The following GDAP1L1 variants were observed in gnomAD, a reference collection of about 807,000 sequenced individuals.
The protein encoded by GDAP1L1 is ganglioside-induced differentiation-associated protein 1-like 1.
In GDAP1L1, 21 loss-of-function variants were observed where a neutral mutation model predicts 37.1. The ratio of observed to expected loss-of-function variants is 0.57; its 90% CI spans 0.40 to 0.81. The LOEUF is 0.81. GDAP1L1 is among the 40% of genes least tolerant of loss of function. The probability of loss-of-function intolerance (pLI) is 0.00; values close to 1 mark genes in which losing one functional copy is unlikely to be tolerated. For synonymous variants in GDAP1L1, 193 were observed against 209.1 expected (o/e 0.92, Z 0.67); for missense variants, 362 against 491.6 (o/e 0.74, Z 2.49).
At chr20:44,271,357 A>G (rs1421739614) in intron 5 of GDAP1L1, among the ~76,000 whole-genome samples, 1 of 152,154 alleles carries the variant, frequency 6.6e-6, no homozygotes, top group Non-Finnish European at 1.5e-5. Flanking sequence ...TGGCCAGTGA[A>G]GTAGGAAGAC....
chr20:44,267,793 G>C (rs2062471013), intron 5 of GDAP1L1, among the ~76,000 whole-genome samples: 1 of 152,192 alleles, frequency 6.6e-6, no homozygotes, highest in Non-Finnish European at 1.5e-5. Flanking sequence ...ATGGAGGCTA[G>C]GGTGGATGGT....
intron 1 of GDAP1L1, among the ~76,000 whole-genome samples, chr20:44,254,775 G>C (rs1264066387): frequency 1.3e-5 from 2 of 152,180 alleles, no homozygotes; most frequent in African/African-American, 4.8e-5. Flanking sequence ...TGAATGTTGG[G>C]TGTTTCAGGG....
chr20:44,279,903 G>C lies in GDAP1L1; in HGVS notation c.*603G>C. On this transcript the variant is annotated 3_prime_UTR_variant, in exon 6 of 6. Transcript: ENST00000342560. ...GGCACCCAAAAACCAGGCTGCAGTG[G>C]GGACGGATACCATGAGCACACCCTC... The C allele has an allele frequency of 2.4e-6, 1 of 411,758 alleles. No individual in the cohort carries two copies. Among genetic ancestry groups the C allele is most frequent in the South Asian group, 1.8e-5 (1 of 55,324 alleles). The allele number at this position is 411,758 out of a possible 1,614,324, so 25.5% of individuals were successfully genotyped here.
At chr20:44,258,673 G>A in intron 3 of GDAP1L1, 66 bp downstream of exon 3, 1 of 1,217,168 alleles carries the variant, frequency 8.2e-7, no homozygotes, top group Non-Finnish European at 1.2e-6. Flanking sequence ...TTCTTCCAAA[G>A]GATGTCCTCC....
intron 5 of GDAP1L1, among the ~76,000 whole-genome samples, chr20:44,275,990 C>T (rs550998765): frequency 6.6e-6 from 1 of 151,932 alleles, no homozygotes; most frequent in East Asian, 1.9e-4. Flanking sequence ...AGTGCTTAAC[C>T]CCTTTATAAT....
chr20:44,270,122 T>C (rs971481292), intron 5 of GDAP1L1, among the ~76,000 whole-genome samples: 3 of 151,866 alleles, frequency 2.0e-5, no homozygotes, highest in Non-Finnish European at 2.9e-5. Context: ...GTATTAGTTA[T>C]CTGTGTGGCA....
intron 3 of GDAP1L1, among the ~76,000 whole-genome samples, chr20:44,260,349 A>C (rs1420074940): frequency 6.6e-6 from 1 of 151,876 alleles, no homozygotes; most frequent in Non-Finnish European, 1.5e-5. Context: ...AAATGGACAC[A>C]CAGGTGCTTG....
chr20:44,273,659 G>A (rs1191718747), intron 5 of GDAP1L1, among the ~76,000 whole-genome samples: 1 of 152,158 alleles, frequency 6.6e-6, no homozygotes, highest in East Asian at 1.9e-4. Context: ...GAAACACACA[G>A]GATGCTGGCA....
intron 5 of GDAP1L1, among the ~76,000 whole-genome samples, chr20:44,271,709 T>A (rs181982736): frequency 1.3e-5 from 2 of 152,226 alleles, no homozygotes; most frequent in East Asian, 3.9e-4. Flanking sequence ...TGTGTTCTCA[T>A]GCTGGTGGAA....
chr20:44,253,953 C>A (rs2073492652), intron 1 of GDAP1L1, among the ~76,000 whole-genome samples: 1 of 152,270 alleles, frequency 6.6e-6, no homozygotes, highest in Non-Finnish European at 1.5e-5. Context: ...AGGTGCCCTG[C>A]CAAGATGGAA....
chr20:44,264,589 C>T (rs1300269171), intron 5 of GDAP1L1, 30 bp downstream of exon 5: 2 of 1,601,706 alleles, frequency 1.2e-6, no homozygotes, highest in Admixed American at 1.7e-5. Context: ...GAGGTGGGGG[C>T]TGCAGCCCAC....
chr20:44,271,413 AGAATGGTGTCAGTGCTGCTG>A (rs1355362579), intron 5 of GDAP1L1, among the ~76,000 whole-genome samples: 8 of 152,220 alleles, frequency 5.3e-5, no homozygotes, highest in African/African-American at 1.7e-4. Flanking sequence ...TTAAGGAGAC[AGAATGGTGTCAGTGCTGCTG>A]GGAGCTTGAG....
intron 5 of GDAP1L1, among the ~76,000 whole-genome samples, chr20:44,273,484 C>T (rs988116822): frequency 2.6e-5 from 4 of 152,178 alleles, no homozygotes; most frequent in African/African-American, 9.7e-5. Context: ...ATCGCACCTC[C>T]CTCCGTACCT....
chr20:44,264,650 C>T, intron 5 of GDAP1L1, 91 bp downstream of exon 5: 1 of 1,521,164 alleles, frequency 6.6e-7, no homozygotes, highest in Non-Finnish European at 8.9e-7. Context: ...CCGCAAAAGT[C>T]TCAGAGGACC....
intron 5 of GDAP1L1, among the ~76,000 whole-genome samples, chr20:44,278,200 G>T (rs1462294150): frequency 2.0e-5 from 3 of 151,464 alleles, no homozygotes. Flanking sequence ...ATTAATGGTG[G>T]TTCCGAGGCT....
intron 1 of GDAP1L1, among the ~76,000 whole-genome samples, chr20:44,250,148 A>G (rs1028464506): frequency 8.6e-5 from 13 of 152,026 alleles, no homozygotes; most frequent in Non-Finnish European, 1.5e-4. Flanking sequence ...AAAATAGTCC[A>G]CCTCTAGGAG....
At chr20:44,278,434 G>A (rs2062607376) in intron 5 of GDAP1L1, among the ~76,000 whole-genome samples, 1 of 152,144 alleles carries the variant, frequency 6.6e-6, no homozygotes, top group Admixed American at 6.5e-5. Flanking sequence ...AGGCTAGAGT[G>A]CAGTGGCACT....
intron 5 of GDAP1L1, among the ~76,000 whole-genome samples, chr20:44,266,108 A>G (rs146501950): frequency 0.01 from 1,536 of 152,296 alleles, 34 homozygotes; most frequent in African/African-American, 0.036. Context: ...CAGGAGTTCG[A>G]GACCAGCCTA....
chr20:44,253,073 A>C (rs958243706), intron 1 of GDAP1L1, among the ~76,000 whole-genome samples: 9 of 152,036 alleles, frequency 5.9e-5, no homozygotes, highest in Non-Finnish European at 8.8e-5. Flanking sequence ...GCCCTAATAG[A>C]CCACCTTAAT....
Sources: gnomAD v4.1 joint callset for allele counts (sites outside exome capture counted in the v4.1 genomes callset) on GRCh38, gnomAD v4.1.1 for gene constraint, MANE v1.5 for transcripts, NCBI Gene and HGNC (gene_info 2026-07-23, HGNC 2026-07-21) for gene names.